FRMD5: variants seen among roughly 807,000 people sequenced by gnomAD.
The protein encoded by FRMD5 is FERM domain containing 5.
A neutral mutation model predicts 69.0 loss-of-function variants in FRMD5; 20 were observed. That is an observed-to-expected ratio of 0.29 (90% CI 0.20 to 0.42). The LOEUF (loss-of-function observed/expected upper bound fraction) is 0.42. Ranked by LOEUF, FRMD5 falls within the 10% of genes least tolerant of loss-of-function variation. The pLI is 1.00. For missense variants in FRMD5, 595 were observed against 708.6 expected, an observed-to-expected ratio of 0.84 and a Z score of 1.82; for synonymous variants, 271 against 260.1, an observed-to-expected ratio of 1.04 and a Z score of -0.40.
In FRMD5 at chr15:43,893,768, AC is replaced by A. The variant is rs139205885; in HGVS notation, c.640-1700del. ...CCTGGCCTCTCTGCTTTCAGGGCTC[AC>A]CTCCCTGACACAGATTCTCAGCCTG... On this transcript the variant is annotated intron_variant, in intron 7 of 13. Coordinates refer to ENST00000417257, the MANE Select transcript of FRMD5 (RefSeq NM_032892.5). Among the ~76,000 whole-genome samples, 286 of 151,988 alleles carry A rather than the reference AC, an allele frequency of 1.9e-3. 17 individuals are homozygous for A. In the East Asian group the frequency reaches 0.053, roughly 28 times the overall value.
intron 8 of FRMD5, among the ~76,000 whole-genome samples, chr15:43,890,520 A>T (rs612258): frequency 0.022 from 3,426 of 152,290 alleles, 125 homozygotes; most frequent in African/African-American, 0.079. Context: ...TGGGCCCTCT[A>T]AAGAATATCA....
At chr15:44,023,769 A>G (rs1317400981) in intron 1 of FRMD5, among the ~76,000 whole-genome samples, 1 of 152,200 alleles carries the variant, frequency 6.6e-6, no homozygotes, top group Non-Finnish European at 1.5e-5. Flanking sequence ...ACTATATTAA[A>G]ATGGATCATT....
chr15:44,122,493 C>T (rs1031338613), intron 1 of FRMD5, among the ~76,000 whole-genome samples: 1 of 152,028 alleles, frequency 6.6e-6, no homozygotes, highest in Non-Finnish European at 1.5e-5. Context: ...GCAGGAAGAT[C>T]GCTTGAGCCT....
chr15:43,914,078 A>G (rs953345028), intron 4 of FRMD5, among the ~76,000 whole-genome samples: 4 of 152,224 alleles, frequency 2.6e-5, no homozygotes, highest in Non-Finnish European at 5.9e-5. Flanking sequence ...GAATCAGGAC[A>G]GAATTAGCAA....
chr15:44,109,574 ACCC>A (rs1404597962), intron 1 of FRMD5, among the ~76,000 whole-genome samples: 1 of 151,310 alleles, frequency 6.6e-6, no homozygotes, highest in Non-Finnish European at 1.5e-5. Flanking sequence ...CATGAAACCC[ACCC>A]CCAACTATTG....
chr15:43,893,123 A>G lies in FRMD5; in HGVS notation c.640-1054T>C, dbSNP rs914213439. Among the ~76,000 whole-genome samples, 5 of 146,508 alleles carry G rather than the reference A, an allele frequency of 3.4e-5. No homozygotes were observed. The South Asian group carries it at 1.1e-3, about 31-fold the overall frequency. ...CATCTCAAAAAAACAAAACAAACGA[A>G]AAAACAAAAAAAAAAAAAAACATTT... On this transcript the variant is annotated intron_variant, in intron 7 of 13. Transcript: ENST00000417257.
chr15:43,969,962 C>A (rs2090350648), intron 1 of FRMD5, among the ~76,000 whole-genome samples: 1 of 152,156 alleles, frequency 6.6e-6, no homozygotes, highest in South Asian at 2.1e-4. Context: ...TGAAACCTGC[C>A]AACTGGCCAC....
At chr15:43,886,560 C>T (rs1446517896) in intron 10 of FRMD5, among the ~76,000 whole-genome samples, 1 of 152,184 alleles carries the variant, frequency 6.6e-6, no homozygotes, top group African/African-American at 2.4e-5. Context: ...ATGGGATCCA[C>T]CTGTAACATG....
intron 1 of FRMD5, among the ~76,000 whole-genome samples, chr15:43,943,167 A>C (rs2089889910): frequency 6.6e-6 from 1 of 152,168 alleles, no homozygotes; most frequent in Non-Finnish European, 1.5e-5. Flanking sequence ...GCTTGAACCC[A>C]GGAAGTGGAG....
rs1276813319 is a variant in FRMD5, at chr15:43,873,105, G to C, written c.*780C>G. On this transcript the variant is annotated 3_prime_UTR_variant, in exon 14 of 14. Transcript: ENST00000417257. ...CTTCGGAAAAAAAAAATCACGTTAAGTCTAGTTTCATTATACAAAACTATG... is the reference window on the plus strand; with the variant it reads ...CTTCGGAAAAAAAAAATCACGTTAACTCTAGTTTCATTATACAAAACTATG... 7.2e-7 allele frequency: 1 copy of C among 1,389,840 alleles called. No homozygotes were observed. The highest frequency in any genetic ancestry group is 9.9e-7 in the Non-Finnish European group (1 of 1,011,698). 86.1% of individuals were successfully genotyped at this position (1,389,840 alleles called of 1,614,324 possible).
rs1370631874 is a variant in FRMD5 at position 43,955,027 on chromosome 15, G to GA, written c.103-30719dup. Among the ~76,000 whole-genome samples the GA allele has an allele frequency of 3.3e-5, 5 of 152,090 alleles. No homozygotes were observed. In the East Asian group the frequency reaches 9.6e-4, roughly 29 times the overall value. Reference sequence around the variant, plus strand: ...CTCCTTTTGATTGTGGAACACAGGAGAAAAAAATGTCATTTTACTGTTTAT... The same window carrying GA: ...CTCCTTTTGATTGTGGAACACAGGAGAAAAAAAATGTCATTTTACTGTTTAT... On this transcript the variant is annotated intron_variant, in intron 1 of 13. Transcript: ENST00000417257.
At chr15:43,997,794 CAATT>C (rs764092923) in intron 1 of FRMD5, among the ~76,000 whole-genome samples, 36 of 152,172 alleles carry the variant, frequency 2.4e-4, no homozygotes, top group Non-Finnish European at 4.6e-4. Context: ...CCACAAGAAA[CAATT>C]AACAGTTTCA....
intron 8 of FRMD5, among the ~76,000 whole-genome samples, chr15:43,889,110 G>A (rs1279975555): frequency 1.3e-5 from 2 of 152,146 alleles, no homozygotes; most frequent in Non-Finnish European, 2.9e-5. Context: ...GGAGGATTTC[G>A]GGCTTATCAA....
intron 1 of FRMD5, among the ~76,000 whole-genome samples, chr15:44,037,332 G>A (rs1357600145): frequency 1.3e-5 from 2 of 151,996 alleles, no homozygotes; most frequent in African/African-American, 4.8e-5. Context: ...CTTTTTTATG[G>A]CTGCCTAGTA....
At chr15:43,896,529 A>C (rs1188339203) in intron 7 of FRMD5, among the ~76,000 whole-genome samples, 1 of 152,248 alleles carries the variant, frequency 6.6e-6, no homozygotes, top group African/African-American at 2.4e-5. Context: ...CACCTGTGTC[A>C]GTCAACACCA....
At chr15:44,087,421 T>G (rs1414610624) in intron 1 of FRMD5, among the ~76,000 whole-genome samples, 1 of 152,140 alleles carries the variant, frequency 6.6e-6, no homozygotes, top group Admixed American at 6.6e-5. Context: ...ATGCAATGAA[T>G]TCAGAGGAGA....
intron 1 of FRMD5, among the ~76,000 whole-genome samples, chr15:44,044,269 C>T (rs1566917077): frequency 1.3e-5 from 2 of 152,136 alleles, no homozygotes; most frequent in Admixed American, 1.3e-4. Context: ...AGTCAGGAAA[C>T]AAGAGATGCT....
intron 1 of FRMD5, among the ~76,000 whole-genome samples, chr15:44,147,457 G>T (rs952245338): frequency 2.0e-5 from 3 of 152,078 alleles, no homozygotes; most frequent in Admixed American, 2.0e-4. Flanking sequence ...GGCTATAGGG[G>T]CTCTTTTTTG....
intron 5 of FRMD5, among the ~76,000 whole-genome samples, chr15:43,908,797 T>G (rs981756755): frequency 1.3e-5 from 2 of 152,194 alleles, no homozygotes; most frequent in African/African-American, 4.8e-5. Flanking sequence ...TCTTACTTAT[T>G]AGCCTGTTAG....
Sources: allele counts gnomAD v4.1 joint callset (sites outside exome capture counted in the v4.1 genomes callset), GRCh38; gene constraint gnomAD v4.1.1; transcripts MANE v1.5; gene names NCBI Gene and HGNC (gene_info 2026-07-23, HGNC 2026-07-21).